Variants in HTT observed in about 807,000 individuals in gnomAD.
HTT encodes huntingtin.
A neutral mutation model predicts 362.3 loss-of-function variants in HTT; 104 were observed. The observed-to-expected ratio is 0.29, with a 90% CI of 0.24 to 0.34. The LOEUF (loss-of-function observed/expected upper bound fraction) is 0.34. Among genes scored for constraint, HTT ranks in the 10% least tolerant of loss-of-function variants. HTT has a pLI of 1.00. For synonymous variants in HTT, 1,577 were observed against 1,548.7 expected, an observed-to-expected ratio of 1.02 and a Z score of -0.43; for missense variants, 3,301 against 3,928.6, an observed-to-expected ratio of 0.84 and a Z score of 4.27.
At chr4:3,107,462 G>T (rs746674470) in intron 6 of HTT, 39 bp downstream of exon 6, 2 of 1,608,652 alleles carry the variant, frequency 1.2e-6, no homozygotes. Context: ...TGCGAGTGAT[G>T]CTGTGAGTGA....
intron 29 of HTT, among the ~76,000 whole-genome samples, chr4:3,161,969 T>C (rs1207563926): frequency 6.6e-6 from 1 of 152,242 alleles, no homozygotes; most frequent in Non-Finnish European, 1.5e-5. Context: ...GCCATTGCTT[T>C]TGGTGTTTTA....
At chr4:3,193,979 TTGAC>T (rs1202256195) in intron 40 of HTT, among the ~76,000 whole-genome samples, 2 of 152,236 alleles carry the variant, frequency 1.3e-5, no homozygotes, top group Non-Finnish European at 2.9e-5. Flanking sequence ...CTTGTTTCCT[TTGAC>T]TGCATTTATT....
intron 62 of HTT, 26 bp downstream of exon 62, chr4:3,235,424 C>G (rs538625518): frequency 6.5e-7 from 1 of 1,533,902 alleles, no homozygotes; most frequent in South Asian, 1.1e-5. Context: ...CTGTCTTCCT[C>G]TGCACACGGG....
At chr4:3,082,833 C>T (rs1003165234) in intron 1 of HTT, among the ~76,000 whole-genome samples, 24 of 152,094 alleles carry the variant, frequency 1.6e-4, no homozygotes, top group Admixed American at 1.2e-3. Context: ...GGTGAGCCTG[C>T]GGAGAGCTCC....
chr4:3,180,427 C>A (rs1410481782), intron 35 of HTT, 88 bp from the exon 36 acceptor site: 6 of 1,249,078 alleles, frequency 4.8e-6, no homozygotes, highest in Non-Finnish European at 6.6e-6. Context: ...TTCTTTATTT[C>A]TTGAAAGCAT....
At chr4:3,089,120 G>C (rs916278784) in intron 2 of HTT, among the ~76,000 whole-genome samples, 1 of 152,160 alleles carries the variant, frequency 6.6e-6, no homozygotes, top group Non-Finnish European at 1.5e-5. Context: ...GTAATCCCTA[G>C]TTACACAGTT....
At position 3,223,998 on chromosome 4, in the gene HTT, G is replaced by C; in HGVS notation, c.7632G>C (p.Gly2544=). The change falls in exon 56 of 67, where the codon GGG becomes GGC. Residue 2544 remains glycine (G), a synonymous_variant. Coordinates refer to ENST00000355072, the MANE Select transcript of HTT (RefSeq NM_001388492.1). ...KPLKALDTRF[G]RKLSIIRGIV... is the part of the protein sequence containing the mutation. ...CCTTTTTTCTAAAATGTAGGTTTGG[G>C]AGGAAGCTGAGCATTATCAGAGGGA... 2 of 1,614,130 alleles carry C rather than the reference G, an allele frequency of 1.2e-6. No individual in the cohort carries two copies. The highest frequency in any genetic ancestry group is 1.7e-6 in the Non-Finnish European group (2 of 1,179,956).
In HTT at chr4:3,240,091, G is replaced by A; in HGVS notation, c.*32G>A. 1 of 1,532,942 alleles carries A rather than the reference G, an allele frequency of 6.5e-7. No individual in the cohort carries two copies. Among genetic ancestry groups the A allele is most frequent in the Non-Finnish European group, 8.9e-7 (1 of 1,128,192 alleles). The allele number at this position is 1,532,942 out of a possible 1,614,324, so 95.0% of individuals were successfully genotyped here. On this transcript the variant is annotated 3_prime_UTR_variant, in exon 67 of 67. Transcript: ENST00000355072. ...TGGTGGGAGAGACTGTGAGGCGGCAGCTGGGGCCGGAGCCTTTGGAAGTCT... is the reference window on the plus strand; with the variant it reads ...TGGTGGGAGAGACTGTGAGGCGGCAACTGGGGCCGGAGCCTTTGGAAGTCT...
At chr4:3,169,358 C>G (rs1169384627) in intron 29 of HTT, among the ~76,000 whole-genome samples, 1 of 152,092 alleles carries the variant, frequency 6.6e-6, no homozygotes, top group Non-Finnish European at 1.5e-5. Context: ...TGCCCTGCCT[C>G]CCTCCTTTTT....
rs1718341803 is a variant in HTT, at chr4:3,178,381, G to A, written c.4547G>A (p.Gly1516Glu). The change falls in exon 35 of 67, where the codon GGA (glycine) becomes GAA (glutamate). Residue 1516 changes from glycine (G) to glutamate (E), a missense_variant. By Grantham distance (98) the Gly-to-Glu change is moderately conservative. Around this residue, in one of 4 missense-constraint regions of HTT, gnomAD observed 2,316 missense variants for 2,658.5 expected, o/e 0.87. Coordinates refer to ENST00000355072, the MANE Select transcript of HTT (RefSeq NM_001388492.1). ...YERYHSKQII[G>E]IPKIIQLCDG... ...CGCTATCATTCAAAACAGATCATTG[G>A]AATTCCTAAAATCATTCAGCTCTGT... 6.2e-7 allele frequency: 1 copy of A among 1,613,236 alleles called. No homozygotes were observed. The highest frequency in any genetic ancestry group is 1.7e-5 in the Admixed American group (1 of 59,996).
At chr4:3,194,850 G>A (rs1210222341) in intron 40 of HTT, among the ~76,000 whole-genome samples, 1 of 152,204 alleles carries the variant, frequency 6.6e-6, no homozygotes, top group Non-Finnish European at 1.5e-5. Context: ...ATTGATTCAA[G>A]TTCATGCTTG....
At chr4:3,114,557 G>A (rs1343831640) in intron 6 of HTT, among the ~76,000 whole-genome samples, 1 of 152,214 alleles carries the variant, frequency 6.6e-6, no homozygotes, top group Non-Finnish European at 1.5e-5. Flanking sequence ...CAGAGTCCCC[G>A]ACTCATAGTG....
intron 30 of HTT, 24 bp from the exon 31 acceptor site, chr4:3,172,884 G>A: frequency 6.6e-7 from 1 of 1,525,116 alleles, no homozygotes; most frequent in Non-Finnish European, 9.1e-7. Flanking sequence ...CCACATTGTT[G>A]ATGCCTCATT....
In HTT at chr4:3,216,888, A is replaced by G. The variant is rs994991493; in HGVS notation, c.7055-877A>G. On this transcript the variant is annotated intron_variant, in intron 51 of 66. Coordinates refer to ENST00000355072, the MANE Select transcript of HTT (RefSeq NM_001388492.1). ...AAAATACAAAAAATTAGCCGGGCGT[A>G]GTGGCGGGCGCCTGTAGTCCCAGCT... 2.8e-3 allele frequency among the ~76,000 whole-genome samples: 418 copies of G among 151,158 alleles called. 4 individuals are homozygous for G. The highest frequency in any genetic ancestry group is 9.5e-3 in the African/African-American group (394 of 41,362).
intron 38 of HTT, 74 bp downstream of exon 38, chr4:3,186,793 G>T: frequency 3.2e-6 from 4 of 1,247,110 alleles, no homozygotes; most frequent in East Asian, 3.1e-5. Context: ...ACCACCCCCA[G>T]AATGTCTGAG....
chr4:3,095,418 T>A (rs1327437045), intron 2 of HTT, among the ~76,000 whole-genome samples: 1 of 152,200 alleles, frequency 6.6e-6, no homozygotes, highest in Non-Finnish European at 1.5e-5. Context: ...CCCAGGCACT[T>A]GGCAGGCTGA....
chr4:3,095,392 G>C (rs989402453), intron 2 of HTT, among the ~76,000 whole-genome samples: 10 of 152,242 alleles, frequency 6.6e-5, no homozygotes, highest in East Asian at 3.8e-4. Flanking sequence ...CAGACATGGC[G>C]GTGCGTGCCT....
chr4:3,129,973 C>T lies in HTT; in HGVS notation c.1793C>T (p.Pro598Leu). Reference protein sequence around the residue: ...NQYLGLQIGQPQDEDEEATGI... With the variant: ...NQYLGLQIGQLQDEDEEATGI... ...TATTTGGGCCTGCAGATTGGACAGC[C>T]CCAGGATGAAGATGAGGAAGCCACA... is the stretch of plus-strand genomic sequence containing the variant. The change falls in exon 13 of 67, where the codon CCC (proline) becomes CTC (leucine). Residue 598 changes from proline (P) to leucine (L), a missense_variant. Physicochemically the swap from Pro to Leu is moderately conservative, Grantham distance 98. Coordinates refer to ENST00000355072, the MANE Select transcript of HTT (RefSeq NM_001388492.1). 6.2e-7 allele frequency: 1 copy of T among 1,613,928 alleles called. No individual in the cohort carries two copies. Among genetic ancestry groups the T allele is most frequent in the Non-Finnish European group, 8.5e-7 (1 of 1,179,918 alleles).
At chr4:3,214,283 C>G in intron 50 of HTT, 148 bp downstream of exon 50, 1 of 531,568 alleles carries the variant, frequency 1.9e-6, no homozygotes. Context: ...AGGGCTGGGC[C>G]CCATCTCTTA....
Sources: gnomAD v4.1 joint callset for allele counts (sites outside exome capture counted in the v4.1 genomes callset) on GRCh38, gnomAD v4.1.1 for gene constraint, gnomAD v4.1.1 regional missense constraint, MANE v1.5 for transcripts, NCBI Gene and HGNC (gene_info 2026-07-23, HGNC 2026-07-21) for gene names.